Variants in CDH13 observed in about 807,000 individuals in gnomAD.
The protein encoded by CDH13 is cadherin-13.
CDH13 carries 24 observed loss-of-function variants against 63.8 expected under a neutral mutation model. That is an observed-to-expected ratio of 0.38 (90% CI 0.27 to 0.53). The LOEUF is 0.53. CDH13 is among the 20% of genes least tolerant of loss of function. The pLI is 0.85. For synonymous variants in CDH13, 503 were observed against 355.3 expected, an observed-to-expected ratio of 1.42 and a Z score of -4.67; for missense variants, 1,049 against 903.1, an observed-to-expected ratio of 1.16 and a Z score of -2.07.
chr16:83,215,728 C>T (rs1306511488), intron 4 of CDH13, among the ~76,000 whole-genome samples: 5 of 152,070 alleles, frequency 3.3e-5, no homozygotes, highest in African/African-American at 1.2e-4. Context: ...ACCCTCCAGG[C>T]GCTGTTGAGT....
At chr16:82,740,838 T>C (rs2033894313) in intron 1 of CDH13, among the ~76,000 whole-genome samples, 1 of 152,244 alleles carries the variant, frequency 6.6e-6, no homozygotes, top group Non-Finnish European at 1.5e-5. Context: ...CTTCAAAGCC[T>C]CATAGCAAAA....
intron 3 of CDH13, among the ~76,000 whole-genome samples, chr16:83,078,194 G>A (rs993264688): frequency 6.6e-6 from 1 of 152,134 alleles, no homozygotes; most frequent in Non-Finnish European, 1.5e-5. Flanking sequence ...TCCTGTCACT[G>A]AGTCTCTTCT....
intron 8 of CDH13, among the ~76,000 whole-genome samples, chr16:83,650,880 C>T (rs1912308938): frequency 6.6e-6 from 1 of 151,864 alleles, no homozygotes; most frequent in Non-Finnish European, 1.5e-5. Flanking sequence ...CAAGACCAGC[C>T]TGGGCAACAT....
chr16:82,854,697 G>C (rs1008667953), intron 1 of CDH13, among the ~76,000 whole-genome samples: 1 of 152,112 alleles, frequency 6.6e-6, no homozygotes, highest in African/African-American at 2.4e-5. Flanking sequence ...TGTCTCTTTT[G>C]TGGTTTTGCT....
chr16:83,723,855 C>A (rs1249958494), intron 10 of CDH13, among the ~76,000 whole-genome samples: 8 of 151,992 alleles, frequency 5.3e-5, no homozygotes, highest in Admixed American at 5.2e-4. Flanking sequence ...TGGACAGATG[C>A]ATAGATCCAT....
At chr16:83,182,547 C>T (rs1220381237) in intron 4 of CDH13, among the ~76,000 whole-genome samples, 1 of 152,216 alleles carries the variant, frequency 6.6e-6, no homozygotes, top group Non-Finnish European at 1.5e-5. Flanking sequence ...TAAGCTTTGT[C>T]CTTTAAAGTC....
At chr16:83,285,077 T>G (rs1206556475) in intron 5 of CDH13, among the ~76,000 whole-genome samples, 1 of 152,190 alleles carries the variant, frequency 6.6e-6, no homozygotes, top group Non-Finnish European at 1.5e-5. Context: ...TGGGTTTTTG[T>G]TTTATTTTGG....
chr16:83,527,803 C>G (rs1421878711), intron 7 of CDH13, among the ~76,000 whole-genome samples: 1 of 152,134 alleles, frequency 6.6e-6, no homozygotes, highest in Non-Finnish European at 1.5e-5. Context: ...ATGGCACTCA[C>G]CAAATTAAAG....
intron 5 of CDH13, among the ~76,000 whole-genome samples, chr16:83,237,713 C>G (rs960586517): frequency 1.3e-5 from 2 of 152,132 alleles, no homozygotes; most frequent in African/African-American, 2.4e-5. Context: ...TAATTTGAGG[C>G]AAGTTGTTTA....
intron 1 of CDH13, among the ~76,000 whole-genome samples, chr16:82,845,506 T>C (rs1255663588): frequency 6.6e-6 from 1 of 152,182 alleles, no homozygotes; most frequent in East Asian, 1.9e-4. Flanking sequence ...GCCACCAGCA[T>C]CATCCTCTAT....
chr16:83,235,197 C>G (rs528657757), intron 5 of CDH13, among the ~76,000 whole-genome samples: 2 of 152,066 alleles, frequency 1.3e-5, no homozygotes, highest in African/African-American at 4.8e-5. Context: ...AGAGTGAGAC[C>G]CAGTCTCAAA....
At chr16:83,359,524 T>C (rs1460703609) in intron 6 of CDH13, among the ~76,000 whole-genome samples, 1 of 152,190 alleles carries the variant, frequency 6.6e-6, no homozygotes, top group Non-Finnish European at 1.5e-5. Context: ...TGAATTCTAG[T>C]CCTGGCTCCT....
At chr16:83,517,294 A>G (rs1423798174) in intron 7 of CDH13, among the ~76,000 whole-genome samples, 1 of 152,240 alleles carries the variant, frequency 6.6e-6, no homozygotes, top group Non-Finnish European at 1.5e-5. Flanking sequence ...AATATTAATC[A>G]GGGCTAGATT....
Position 83,206,150 on chromosome 16 carries a change from A to T in CDH13, c.484-11195A>T, listed in dbSNP as rs146493733. On this transcript the variant is annotated intron_variant, in intron 4 of 13. Transcript: ENST00000567109. ...AATTTACCTCAACCAGGGGAGGAGGACTTTCGGCAGCTTTTCCCTTCTCTC... is the reference window on the plus strand; with the variant it reads ...AATTTACCTCAACCAGGGGAGGAGGTCTTTCGGCAGCTTTTCCCTTCTCTC... 4.5e-3 allele frequency among the ~76,000 whole-genome samples: 687 copies of T among 152,208 alleles called. 4 individuals are homozygous for T. Among genetic ancestry groups the T allele is most frequent in the African/African-American group, 0.015 (638 of 41,538 alleles).
At position 83,570,866 on chromosome 16, in the gene CDH13, TTATA is replaced by T. The variant is rs1183184621; in HGVS notation, c.961-31584_961-31581del. Among the ~76,000 whole-genome samples the T allele has an allele frequency of 1.3e-4, 18 of 137,210 alleles. 1 individual carries two copies. The highest frequency in any genetic ancestry group is 4.0e-4 in the African/African-American group (15 of 37,652). The allele number at this position is 137,210 out of a possible 152,430, so 90.0% of individuals were successfully genotyped here. A position where few individuals can be genotyped will look rare whatever the true frequency, so the allele number is the denominator to read the frequency against. Reference sequence around the variant, plus strand: ...TTTATATATATAAATATAAATATATTTATATATTTATATTTATAAATGAAACTGT... The same window carrying T: ...TTTATATATATAAATATAAATATATTTATTTATATTTATAAATGAAACTGT... On this transcript the variant is annotated intron_variant, in intron 7 of 13. Coordinates refer to ENST00000567109, the MANE Select transcript of CDH13 (RefSeq NM_001257.5).
intron 10 of CDH13, among the ~76,000 whole-genome samples, chr16:83,681,090 C>T (rs760743315): frequency 6.6e-6 from 1 of 151,848 alleles, no homozygotes; most frequent in Non-Finnish European, 1.5e-5. Flanking sequence ...CTGAACCAAG[C>T]AGAAGATGAG....
At chr16:83,368,852 T>C (rs2091303156) in intron 6 of CDH13, among the ~76,000 whole-genome samples, 2 of 141,548 alleles carry the variant, frequency 1.4e-5, no homozygotes, top group Non-Finnish European at 3.1e-5. Context: ...ATTATTTCAT[T>C]CTTTTTTATG....
chr16:83,440,153 G>A (rs999361212), intron 6 of CDH13, among the ~76,000 whole-genome samples: 2 of 152,202 alleles, frequency 1.3e-5, no homozygotes, highest in African/African-American at 4.8e-5. Context: ...AAAAGGGAAA[G>A]GAGGTTCAAA....
At chr16:83,408,205 A>G (rs1597951445) in intron 6 of CDH13, among the ~76,000 whole-genome samples, 2 of 152,198 alleles carry the variant, frequency 1.3e-5, no homozygotes, top group Non-Finnish European at 1.5e-5. Flanking sequence ...CACTAGAACA[A>G]TAAGTAATCT....
Sources: allele counts gnomAD v4.1 joint callset (sites outside exome capture counted in the v4.1 genomes callset), GRCh38; gene constraint gnomAD v4.1.1; transcripts MANE v1.5; gene names NCBI Gene and HGNC (gene_info 2026-07-23, HGNC 2026-07-21).